Variants in SMYD1 observed in about 807,000 individuals in gnomAD.
The protein encoded by SMYD1 is histone-lysine N-methyltransferase SMYD1.
A neutral mutation model predicts 54.0 loss-of-function variants in SMYD1; 49 were observed. The observed-to-expected ratio is 0.91, with a 90% CI of 0.72 to 1.15. The LOEUF (loss-of-function observed/expected upper bound fraction) is 1.15. Ranked by LOEUF, SMYD1 falls within the 50% of genes most tolerant of loss-of-function variation. The pLI is 0.00. For synonymous variants in SMYD1, 269 were observed against 234.2 expected (o/e 1.15, Z -1.36); for missense variants, 653 against 639.6 (o/e 1.02, Z -0.23).
chr2:88,074,903 G>A (rs989817188), intron 1 of SMYD1, among the ~76,000 whole-genome samples: 5 of 152,190 alleles, frequency 3.3e-5, no homozygotes, highest in African/African-American at 1.2e-4. Flanking sequence ...AATTCTGTGT[G>A]AGCATGTGGG....
rs1431107903 is a variant in SMYD1 at position 88,081,034 on chromosome 2, C to G, written c.138-3282C>G. On this transcript the variant is annotated intron_variant, in intron 1 of 9. Coordinates refer to ENST00000419482, the MANE Select transcript of SMYD1 (RefSeq NM_198274.4). The stretch of plus-strand genomic sequence containing the variant: ...TCTCCTGCCTCAGCCTCCGGAGTAG[C>G]TGGGACTACAGGTGCCCGTCACCAC... Among the ~76,000 whole-genome samples, 3 of 152,040 alleles carry G rather than the reference C, an allele frequency of 2.0e-5. No individual in the cohort carries two copies. In the East Asian group the frequency reaches 5.8e-4, roughly 30 times the overall value.
In SMYD1 at chr2:88,077,302, C is replaced by T. The variant is rs564632520; in HGVS notation, c.138-7014C>T. 4.6e-5 allele frequency among the ~76,000 whole-genome samples: 7 copies of T among 152,334 alleles called. No homozygotes were observed. In the South Asian group the frequency reaches 1.2e-3, roughly 27 times the overall value. Reference sequence around the variant, plus strand: ...GCTGCAGAGCAGAGTGAGAGGGGACCAGCTGCTGGAGCAGGGCACATTCAA... The same window carrying T: ...GCTGCAGAGCAGAGTGAGAGGGGACTAGCTGCTGGAGCAGGGCACATTCAA... On this transcript the variant is annotated intron_variant, in intron 1 of 9. Coordinates refer to ENST00000419482, the MANE Select transcript of SMYD1 (RefSeq NM_198274.4).
At position 88,096,633 on chromosome 2, in the gene SMYD1, A is replaced by G. The variant is rs1674594770; in HGVS notation, c.737A>G (p.Glu246Gly). The G allele has an allele frequency of 6.2e-7, 1 of 1,613,730 alleles. No individual in the cohort carries two copies. ...GCCCTAGGCAAGATCTCAGAAGGAG[A>G]GGAGCTGACTGTGTCCTATATTGAC... is the stretch of plus-strand genomic sequence containing the variant. ...LRALGKISEG[E>G]ELTVSYIDFL... The change falls in exon 6 of 10, where the codon GAG (glutamate) becomes GGG (glycine). Residue 246 changes from glutamate to glycine, a missense_variant. Transcript: ENST00000419482.
chr2:88,110,783 CGTT>C lies in SMYD1; in HGVS notation c.*273_*275del, dbSNP rs1675004149. ...AACCCAATAAAGGAGCTCCAAATGT[CGTT>C]GGGTGGGGAAGCAAAATGTAGAGAA... On this transcript the variant is annotated 3_prime_UTR_variant, in exon 10 of 10. Transcript: ENST00000419482. The C allele has an allele frequency of 2.7e-6, 1 of 364,300 alleles. No individual in the cohort carries two copies. Among genetic ancestry groups the C allele is most frequent in the Admixed American group, 4.7e-5 (1 of 21,188 alleles). 22.6% of individuals were successfully genotyped at this position (364,300 alleles called of 1,614,324 possible).
Position 88,087,854 on chromosome 2 carries a change from T to C in SMYD1, c.315-8T>C. The stretch of plus-strand genomic sequence containing the variant: ...TGTAGTGGCCTCCTGACGCTGCCCT[T>C]CCCACAGGCTGGCGGCGCGCATCAT... On this transcript the variant is annotated splice_region_variant and splice_polypyrimidine_tract_variant and intron_variant, in intron 2 of 9. Coordinates refer to ENST00000419482, the MANE Select transcript of SMYD1 (RefSeq NM_198274.4). 3 of 1,560,594 alleles carry C rather than the reference T, an allele frequency of 1.9e-6. No individual in the cohort carries two copies. The highest frequency in any genetic ancestry group is 2.6e-6 in the Non-Finnish European group (3 of 1,152,444).
rs370551155 is a variant in SMYD1, at chr2:88,105,580, C to A, written c.982-745C>A. ...TACTATGTAAATGCTGTGTAAATAG[C>A]TGTTATGCTGTATTGATGTGTTTGT... On this transcript the variant is annotated intron_variant, in intron 7 of 9. Transcript: ENST00000419482. Among the ~76,000 whole-genome samples, 56 of 152,216 alleles carry A rather than the reference C, an allele frequency of 3.7e-4. No homozygotes were observed. The South Asian group carries it at 0.011, about 30-fold the overall frequency.
chr2:88,089,640 T>C (rs1452039499), intron 3 of SMYD1, among the ~76,000 whole-genome samples: 1 of 144,084 alleles, frequency 6.9e-6, no homozygotes, highest in African/African-American at 2.6e-5. Context: ...TCACTCAGGC[T>C]GGAGTGCAGT....
chr2:88,108,566 C>G, intron 9 of SMYD1, 27 bp downstream of exon 9: 1 of 1,537,976 alleles, frequency 6.5e-7, no homozygotes, highest in East Asian at 2.4e-5. Flanking sequence ...GGCTGGTGTT[C>G]CCTTCCTGGC....
chr2:88,104,158 G>T (rs993022976), intron 7 of SMYD1, among the ~76,000 whole-genome samples: 1 of 152,004 alleles, frequency 6.6e-6, no homozygotes, highest in Non-Finnish European at 1.5e-5. Context: ...AGTAGAGAAG[G>T]GGTTTCACCA....
rs139105051 is a variant in SMYD1, at chr2:88,112,054, C to T, written c.*1542C>T. ...AAATGGGCCACACTTTTGCAAAATA[C>T]TTGTATCTGACACTTAGGTCTTGTT... On this transcript the variant is annotated 3_prime_UTR_variant, in exon 10 of 10. Transcript: ENST00000419482. The T allele has an allele frequency of 5.6e-4, 393 of 703,068 alleles. 1 individual carries two copies. In the African/African-American group the frequency reaches 5.8e-3, roughly 10 times the overall value. The allele number at this position is 703,068 out of a possible 1,614,324, so 43.6% of individuals were successfully genotyped here.
chr2:88,106,196 C>A, intron 7 of SMYD1, 129 bp from the exon 8 acceptor site: 1 of 1,264,816 alleles, frequency 7.9e-7, no homozygotes, highest in Non-Finnish European at 1.1e-6. Flanking sequence ...CTGTGCTTTC[C>A]CACCTCTGTC....
At chr2:88,088,871 C>T (rs1163057769) in intron 3 of SMYD1, among the ~76,000 whole-genome samples, 1 of 151,992 alleles carries the variant, frequency 6.6e-6, no homozygotes, top group Admixed American at 6.6e-5. Context: ...GAAGTGGGGG[C>T]GAGAACCCGG....
rs1420623462 is a variant in SMYD1, at chr2:88,111,447, T to C, written c.*935T>C. 3 of 152,302 alleles carry C rather than the reference T, an allele frequency of 2.0e-5. No homozygotes were observed. The highest frequency in any genetic ancestry group is 6.5e-5 in the Admixed American group (1 of 15,294). The allele number at this position is 152,302 out of a possible 1,614,324, so 9.4% of individuals were successfully genotyped here. On this transcript the variant is annotated 3_prime_UTR_variant, in exon 10 of 10. Transcript: ENST00000419482. ...CCTGTTGATCATGGGCCCTGCAGAA[T>C]TGGCCCTTGGGGGCTTTATTTGGTT...
In SMYD1 at chr2:88,111,819, GA is replaced by G; in HGVS notation, c.*1311del. The G allele has an allele frequency of 2.5e-6, 1 of 405,236 alleles. No homozygotes were observed. The highest frequency in any genetic ancestry group is 2.0e-5 in the African/African-American group (1 of 50,804). The allele number at this position is 405,236 out of a possible 1,614,324, so 25.1% of individuals were successfully genotyped here. ...CTCACCAATGTTTTGGGAGATCCTGGAAAAGATCCCTTCAGTTTGGGGTGTC... is the reference window on the plus strand; with the variant it reads ...CTCACCAATGTTTTGGGAGATCCTGGAAAGATCCCTTCAGTTTGGGGTGTC... On this transcript the variant is annotated 3_prime_UTR_variant, in exon 10 of 10. Transcript: ENST00000419482.
intron 5 of SMYD1, among the ~76,000 whole-genome samples, chr2:88,095,394 C>T (rs1674559631): frequency 6.6e-6 from 1 of 152,120 alleles, no homozygotes; most frequent in Non-Finnish European, 1.5e-5. Flanking sequence ...GATTTTTATC[C>T]ATAAGTGGTC....
rs1279868415 is a variant in SMYD1 at position 88,111,666 on chromosome 2, A to T, written c.*1154A>T. 5.5e-6 allele frequency: 1 copy of T among 181,798 alleles called. No homozygotes were observed. Among genetic ancestry groups the T allele is most frequent in the Admixed American group, 5.4e-5 (1 of 18,530 alleles). The allele number at this position is 181,798 out of a possible 1,614,324, so 11.3% of individuals were successfully genotyped here. On this transcript the variant is annotated 3_prime_UTR_variant, in exon 10 of 10. Coordinates refer to ENST00000419482, the MANE Select transcript of SMYD1 (RefSeq NM_198274.4). Reference sequence around the variant, plus strand: ...TACACCTGGGTTAGACCCTGTTCAGAGGTGTGGCCAATTTATCCCGATCTC... The same window carrying T: ...TACACCTGGGTTAGACCCTGTTCAGTGGTGTGGCCAATTTATCCCGATCTC...
chr2:88,106,103 T>G (rs1674861765), intron 7 of SMYD1, among the ~76,000 whole-genome samples: 1 of 152,174 alleles, frequency 6.6e-6, no homozygotes, highest in African/African-American at 2.4e-5. Flanking sequence ...CTCGCTGTGC[T>G]GCATCTGCCA....
chr2:88,087,344 G>C (rs1674352785), intron 2 of SMYD1, among the ~76,000 whole-genome samples: 1 of 152,064 alleles, frequency 6.6e-6, no homozygotes, highest in Non-Finnish European at 1.5e-5. Context: ...GCACCTCTCT[G>C]TTTCCCCAGA....
Position 88,087,900 on chromosome 2 carries a change from G to T in SMYD1, c.353G>T (p.Gly118Val), listed in dbSNP as rs756006041. 18 of 1,606,286 alleles carry T rather than the reference G, an allele frequency of 1.1e-5. No homozygotes were observed. The highest frequency in any genetic ancestry group is 4.4e-5 in the South Asian group (4 of 90,082). The change falls in exon 3 of 10, where the codon GGC becomes GTC. Residue 118 changes from glycine (G) to valine (V), a missense_variant. Physicochemically the swap from Gly to Val is moderately radical, Grantham distance 109. Coordinates refer to ENST00000419482, the MANE Select transcript of SMYD1 (RefSeq NM_198274.4). ...ATCATGTGGCGGGTGGAGAGAGAAG[G>T]CACCGGGCTCACGGAGGGCTGCCTG... ...ARIMWRVERE[G>V]TGLTEGCLVS...
Sources: allele counts gnomAD v4.1 joint callset (sites outside exome capture counted in the v4.1 genomes callset), GRCh38; gene constraint gnomAD v4.1.1; transcripts MANE v1.5; gene names NCBI Gene and HGNC (gene_info 2026-07-23, HGNC 2026-07-21).